Variants in CCBE1 observed in about 807,000 individuals in gnomAD.
CCBE1 encodes collagen and calcium binding EGF domains 1.
Under a neutral mutation model 50.0 loss-of-function variants are expected in CCBE1, and 37 were observed. The ratio of observed to expected loss-of-function variants is 0.74; its 90% CI spans 0.57 to 0.97. The LOEUF (loss-of-function observed/expected upper bound fraction) is 0.97, where lower values mean the gene tolerates loss of function less well. Ranked by LOEUF, CCBE1 falls within the 50% of genes least tolerant of loss-of-function variation. The pLI, the probability that CCBE1 is intolerant of heterozygous loss-of-function variation, is 0.00. For synonymous variants in CCBE1, 234 were observed against 203.7 expected, an observed-to-expected ratio of 1.15 and a Z score of -1.27; for missense variants, 538 against 523.8, an observed-to-expected ratio of 1.03 and a Z score of -0.26.
chr18:59,654,887 G>A (rs2054168204), intron 2 of CCBE1, among the ~76,000 whole-genome samples: 1 of 150,938 alleles, frequency 6.6e-6, no homozygotes, highest in Non-Finnish European at 1.5e-5. Context: ...TGGATCACTT[G>A]AGGTCAGGAA....
At chr18:59,667,665 CT>C (rs2054374574) in intron 2 of CCBE1, among the ~76,000 whole-genome samples, 1 of 152,198 alleles carries the variant, frequency 6.6e-6, no homozygotes, top group Non-Finnish European at 1.5e-5. Context: ...CCCTCATCCC[CT>C]GATCAGCTGC....
chr18:59,622,955 A>G (rs991409214), intron 2 of CCBE1, among the ~76,000 whole-genome samples: 3 of 152,160 alleles, frequency 2.0e-5, no homozygotes, highest in Non-Finnish European at 4.4e-5. Context: ...GTCATGATAC[A>G]TTTATCTAAA....
chr18:59,537,145 T>C (rs1915284759), intron 2 of CCBE1, among the ~76,000 whole-genome samples: 1 of 151,772 alleles, frequency 6.6e-6, no homozygotes, highest in African/African-American at 2.4e-5. Context: ...TGGGCTGGGG[T>C]TTTTCAATCC....
At position 59,614,227 on chromosome 18, in the gene CCBE1, T is replaced by G. The variant is rs559507671; in HGVS notation, c.212+82402A>C. Among the ~76,000 whole-genome samples, 254 of 152,262 alleles carry G rather than the reference T, an allele frequency of 1.7e-3. 1 individual carries two copies. Among genetic ancestry groups the G allele is most frequent in the African/African-American group, 5.9e-3 (246 of 41,562 alleles). The stretch of plus-strand genomic sequence containing the variant: ...ACCATGCCGGCCCGGCTCAAACTCC[T>G]GACCTCAAATGATCCACCTGCCTCG... On this transcript the variant is annotated intron_variant, in intron 2 of 10. Coordinates refer to ENST00000439986, the MANE Select transcript of CCBE1 (RefSeq NM_133459.4).
intron 7 of CCBE1, among the ~76,000 whole-genome samples, chr18:59,442,954 T>C (rs1043230754): frequency 2.6e-5 from 4 of 152,102 alleles, no homozygotes; most frequent in African/African-American, 7.2e-5. Flanking sequence ...TCTATGTATC[T>C]ATGTGACCTG....
chr18:59,433,460 G>A lies in CCBE1; in HGVS notation c.*2448C>T, dbSNP rs764839664. On this transcript the variant is annotated 3_prime_UTR_variant, in exon 11 of 11. Coordinates refer to ENST00000439986, the MANE Select transcript of CCBE1 (RefSeq NM_133459.4). ...GAGCAAAGTGTTCATGAAAGACTCGGTCACATGCTGACTGACATGAGTCCT... is the reference window on the plus strand; with the variant it reads ...GAGCAAAGTGTTCATGAAAGACTCGATCACATGCTGACTGACATGAGTCCT... 6.6e-6 allele frequency: 1 copy of A among 152,142 alleles called. No homozygotes were observed. Among genetic ancestry groups the A allele is most frequent in the East Asian group, 1.9e-4 (1 of 5,166 alleles). 9.4% of individuals were successfully genotyped at this position (152,142 alleles called of 1,614,324 possible). A position where few individuals can be genotyped will look rare whatever the true frequency, so the allele number is the denominator to read the frequency against.
intron 2 of CCBE1, among the ~76,000 whole-genome samples, chr18:59,661,286 G>C (rs1297688475): frequency 2.0e-5 from 3 of 152,204 alleles, no homozygotes; most frequent in Admixed American, 1.3e-4. Context: ...TGAAGAAGCT[G>C]GGACACTGTT....
chr18:59,685,364 A>G (rs1214776222), intron 2 of CCBE1, among the ~76,000 whole-genome samples: 1 of 152,162 alleles, frequency 6.6e-6, no homozygotes, highest in Admixed American at 6.6e-5. Context: ...GAAAGGGTCT[A>G]ACAAATGAAG....
At chr18:59,665,327 C>T (rs909219239) in intron 2 of CCBE1, among the ~76,000 whole-genome samples, 1 of 152,154 alleles carries the variant, frequency 6.6e-6, no homozygotes, top group Non-Finnish European at 1.5e-5. Context: ...TTGACTTCAG[C>T]TCTGTTCATT....
At chr18:59,644,657 G>A (rs958267061) in intron 2 of CCBE1, among the ~76,000 whole-genome samples, 2 of 152,176 alleles carry the variant, frequency 1.3e-5, no homozygotes, top group Admixed American at 6.5e-5. Flanking sequence ...ATTCTAATTA[G>A]TTGGCACAAT....
rs765997743 is a variant in CCBE1, at chr18:59,696,725, G to A, written c.132-16C>T. The A allele has an allele frequency of 3.7e-6, 6 of 1,613,054 alleles. No homozygotes were observed. In the South Asian group the frequency reaches 6.6e-5, roughly 18 times the overall value. On this transcript the variant is annotated splice_polypyrimidine_tract_variant and intron_variant, in intron 1 of 10. Transcript: ENST00000439986. ...GCAGATTTCTCTATGAAAAAGTGCA[G>A]AGGAAATGTTCGATTCTCAGCGGGA...
In CCBE1 at chr18:59,583,692, C is replaced by T. The variant is rs942787098; in HGVS notation, c.213-103454G>A. 1.1e-3 allele frequency among the ~76,000 whole-genome samples: 146 copies of T among 130,336 alleles called. 1 individual carries two copies. The highest frequency in any genetic ancestry group is 2.9e-3 in the African/African-American group (98 of 33,338). 85.5% of individuals were successfully genotyped at this position (130,336 alleles called of 152,430 possible). Reference sequence around the variant, plus strand: ...GTGTGTGTGTGTGTGCGCGCGCGCGCGCGCGCGCGTGTGTGTGTATGTCTG... The same window carrying T: ...GTGTGTGTGTGTGTGCGCGCGCGCGTGCGCGCGCGTGTGTGTGTATGTCTG... On this transcript the variant is annotated intron_variant, in intron 2 of 10. Transcript: ENST00000439986.
intron 2 of CCBE1, among the ~76,000 whole-genome samples, chr18:59,646,852 G>C (rs1484996804): frequency 6.6e-6 from 1 of 152,142 alleles, no homozygotes; most frequent in Non-Finnish European, 1.5e-5. Context: ...AGCATCACAT[G>C]AACACGGAAC....
intron 2 of CCBE1, among the ~76,000 whole-genome samples, chr18:59,506,017 G>A (rs892119772): frequency 6.6e-6 from 1 of 152,222 alleles, no homozygotes; most frequent in African/African-American, 2.4e-5. Context: ...GTTGAACAGT[G>A]TCTCCCCATT....
chr18:59,501,173 C>A (rs1219624374), intron 2 of CCBE1, among the ~76,000 whole-genome samples: 1 of 152,226 alleles, frequency 6.6e-6, no homozygotes, highest in Non-Finnish European at 1.5e-5. Flanking sequence ...TGATGCCATC[C>A]TTAGCAGAGC....
chr18:59,529,821 G>A (rs1284771350), intron 2 of CCBE1, among the ~76,000 whole-genome samples: 2 of 152,138 alleles, frequency 1.3e-5, no homozygotes, highest in African/African-American at 4.8e-5. Flanking sequence ...GCCCCTGGTG[G>A]CATTGAAATA....
At chr18:59,601,066 C>CT (rs1376280771) in intron 2 of CCBE1, among the ~76,000 whole-genome samples, 1 of 109,612 alleles carries the variant, frequency 9.1e-6, no homozygotes, top group African/African-American at 3.5e-5. Flanking sequence ...GGGTCTCACT[C>CT]TGTCTCCCAG....
intron 2 of CCBE1, among the ~76,000 whole-genome samples, chr18:59,623,710 C>T (rs998338685): frequency 6.6e-6 from 1 of 152,110 alleles, no homozygotes; most frequent in South Asian, 2.1e-4. Context: ...GAGGGGAGAA[C>T]ATTTTGTTTA....
chr18:59,585,073 G>A (rs1437343650), intron 2 of CCBE1, among the ~76,000 whole-genome samples: 1 of 152,026 alleles, frequency 6.6e-6, no homozygotes, highest in Non-Finnish European at 1.5e-5. Context: ...CCAGCTGTCC[G>A]AGTTGGAGTC....
Sources: allele counts gnomAD v4.1 joint callset (sites outside exome capture counted in the v4.1 genomes callset), GRCh38; gene constraint gnomAD v4.1.1; transcripts MANE v1.5; gene names NCBI Gene and HGNC (gene_info 2026-07-23, HGNC 2026-07-21).